The following TMEM114 variants were observed in gnomAD, a reference collection of about 807,000 sequenced individuals.
The protein encoded by TMEM114 is claudin-26.
Under a neutral mutation model 6.2 loss-of-function variants are expected in TMEM114, and 6 were observed. The observed-to-expected ratio is 0.97, with a 90% confidence interval of 0.53 to 1.91. The LOEUF (loss-of-function observed/expected upper bound fraction) is 1.91, where lower values mean the gene tolerates loss of function less well. Ranked by LOEUF, TMEM114 falls within the 40% of genes most tolerant of loss-of-function variation. The pLI, the probability that TMEM114 is intolerant of heterozygous loss-of-function variation, is 0.01. For missense variants in TMEM114, 218 were observed against 158.3 expected (o/e 1.38, Z -2.02); for synonymous variants, 104 against 73.0 (o/e 1.42, Z -2.16).
chr16:8,567,422 G>C (rs1036167768), downstream of TMEM114, among the ~76,000 whole-genome samples: 1 of 152,204 alleles, frequency 6.6e-6, no homozygotes, highest in African/African-American at 2.4e-5. Context: ...ATGGATGGGC[G>C]AATGAATGAG....
chr16:8,587,895 A>G (rs1306431189), intron 2 of TMEM114, among the ~76,000 whole-genome samples: 1 of 151,736 alleles, frequency 6.6e-6, no homozygotes, highest in East Asian at 2.0e-4. Flanking sequence ...CACACCTGAA[A>G]TCCCAAGACT....
At chr16:8,560,907 G>C (rs1450572108) in intron 2 of TMEM114, among the ~76,000 whole-genome samples, 1 of 152,198 alleles carries the variant, frequency 6.6e-6, no homozygotes, top group African/African-American at 2.4e-5. Flanking sequence ...TGGACTCACA[G>C]TTCCACGTGG....
intron 2 of TMEM114, among the ~76,000 whole-genome samples, chr16:8,574,508 G>C (rs934353575): frequency 6.6e-6 from 1 of 152,182 alleles, no homozygotes; most frequent in African/African-American, 2.4e-5. Context: ...AGGCTGTCCT[G>C]TGATAAAATG....
chr16:8,580,944 G>A (rs958857002), intron 2 of TMEM114, among the ~76,000 whole-genome samples: 6 of 152,114 alleles, frequency 3.9e-5, no homozygotes, highest in African/African-American at 1.4e-4. Context: ...CACCTGCCTC[G>A]GCCTCCCAAA....
At chr16:8,584,565 C>T (rs1193759678) in intron 2 of TMEM114, among the ~76,000 whole-genome samples, 1 of 152,110 alleles carries the variant, frequency 6.6e-6, no homozygotes, top group Non-Finnish European at 1.5e-5. Flanking sequence ...CTGCTCAACT[C>T]CACTCTCCCA....
intron 2 of TMEM114, among the ~76,000 whole-genome samples, chr16:8,563,947 A>AAATGAGTGAGTGAATGAGTG (rs1567203325): frequency 7.3e-6 from 1 of 137,268 alleles, no homozygotes; most frequent in Non-Finnish European, 1.6e-5. Context: ...ACGAGTAAGT[A>AAATGAGTGAGTGAATGAGTG]AATGAGTGAG....
downstream of TMEM114, among the ~76,000 whole-genome samples, chr16:8,566,704 T>A (rs1032659093): frequency 6.6e-6 from 1 of 152,186 alleles, no homozygotes; most frequent in Non-Finnish European, 1.5e-5. Context: ...TCCCTCTTCA[T>A]TTCCCTCTAA....
rs556028424 is a variant in TMEM114, at chr16:8,563,377, G to C, written n.213-25551C>G. Reference sequence around the variant, plus strand: ...AGTGAGTGAGGGAGGGAGGGAATGAGTGAATGAGTGAGTGAATGAGTAAAC... The same window carrying C: ...AGTGAGTGAGGGAGGGAGGGAATGACTGAATGAGTGAGTGAATGAGTAAAC... On this transcript the variant is annotated intron_variant and non_coding_transcript_variant, in intron 2 of 2. Transcript: ENST00000623677. Among the ~76,000 whole-genome samples the C allele has an allele frequency of 7.9e-4, 118 of 150,160 alleles. 3 individuals carry two copies. Among genetic ancestry groups the C allele is most frequent in the African/African-American group, 2.8e-3 (110 of 39,836 alleles).
At chr16:8,549,228 G>T (rs1189703239) in intron 2 of TMEM114, among the ~76,000 whole-genome samples, 1 of 149,076 alleles carries the variant, frequency 6.7e-6, no homozygotes, top group African/African-American at 2.5e-5. Flanking sequence ...GGTTGGGGGT[G>T]GTGGCTCACA....
At position 8,559,330 on chromosome 16, in the gene TMEM114, G is replaced by T. The variant is rs953796505; in HGVS notation, n.213-21504C>A. ...AACGCTGGGATTATAGGCGTGAGCC[G>T]CCGGACCCTGCCTTAATTCCACCCA... On this transcript the variant is annotated intron_variant and non_coding_transcript_variant, in intron 2 of 2. Coordinates refer to the TMEM114 transcript ENST00000623677. Among the ~76,000 whole-genome samples the T allele has an allele frequency of 2.0e-5, 3 of 152,132 alleles. No individual in the cohort carries two copies. The South Asian group carries it at 6.2e-4, about 32-fold the overall frequency.
intron 2 of TMEM114, among the ~76,000 whole-genome samples, chr16:8,554,929 C>T (rs965001111): frequency 2.6e-5 from 4 of 152,214 alleles, no homozygotes; most frequent in Non-Finnish European, 4.4e-5. Flanking sequence ...GAGCCTGTGC[C>T]TTGAGCCCCT....
At chr16:8,589,484 C>T in intron 1 of TMEM114, 135 bp downstream of exon 1, 1 of 398,000 alleles carries the variant, frequency 2.5e-6, no homozygotes, top group Non-Finnish European at 4.4e-6. Context: ...TGCTCACCTT[C>T]CCCCCGAGTC....
At chr16:8,570,786 A>T (rs894008388) in intron 3 of TMEM114, among the ~76,000 whole-genome samples, 2 of 152,124 alleles carry the variant, frequency 1.3e-5, no homozygotes, top group African/African-American at 4.8e-5. Flanking sequence ...GTCCAGTACG[A>T]TAGCCACTGA....
At chr16:8,563,910 T>A (rs1293575215) in intron 2 of TMEM114, among the ~76,000 whole-genome samples, 1 of 148,260 alleles carries the variant, frequency 6.7e-6, no homozygotes, top group Admixed American at 6.7e-5. Context: ...AATGAGTGAG[T>A]GAGGGAATGA....
chr16:8,551,573 T>G (rs573188270), intron 2 of TMEM114, among the ~76,000 whole-genome samples: 4 of 152,336 alleles, frequency 2.6e-5, no homozygotes, highest in East Asian at 1.9e-4. Flanking sequence ...AGTCCATCAG[T>G]GACAACATTC....
At chr16:8,536,042 G>A (rs755350463), downstream of TMEM114, among the ~76,000 whole-genome samples, 6 of 151,964 alleles carry the variant, frequency 3.9e-5, no homozygotes, top group Non-Finnish European at 7.4e-5. Context: ...CCTGTCCAAC[G>A]TTGTGAAACC....
chr16:8,588,197 G>T (rs1346167700), intron 2 of TMEM114, among the ~76,000 whole-genome samples: 2 of 150,640 alleles, frequency 1.3e-5, no homozygotes, highest in African/African-American at 2.4e-5. Context: ...TGAGACAGGA[G>T]AATCGCTTGA....
At chr16:8,586,033 G>C (rs1215185454) in intron 2 of TMEM114, among the ~76,000 whole-genome samples, 1 of 152,270 alleles carries the variant, frequency 6.6e-6, no homozygotes, top group East Asian at 1.9e-4. Flanking sequence ...GCACTGTCAA[G>C]ATTGAAGAGG....
chr16:8,586,445 T>C (rs1489158187), intron 2 of TMEM114, among the ~76,000 whole-genome samples: 1 of 152,134 alleles, frequency 6.6e-6, no homozygotes, highest in Non-Finnish European at 1.5e-5. Flanking sequence ...CTCTGTTTTG[T>C]AGGGGTTTTA....
Sources: gnomAD v4.1 joint callset for allele counts (sites outside exome capture counted in the v4.1 genomes callset) on GRCh38, gnomAD v4.1.1 for gene constraint, MANE v1.5 for transcripts, NCBI Gene and HGNC (gene_info 2026-07-23, HGNC 2026-07-21) for gene names.